DIAPH2: variants seen among roughly 807,000 people sequenced by gnomAD.
DIAPH2 encodes the protein protein diaphanous homolog 2.
Under a neutral mutation model 92.7 loss-of-function variants are expected in DIAPH2, and 35 were observed. The observed-to-expected ratio is 0.38, with a 90% CI of 0.29 to 0.50. DIAPH2 has a LOEUF of 0.50. Ranked by LOEUF, DIAPH2 falls within the 20% of genes least tolerant of loss-of-function variation. The pLI is 0.94. For synonymous variants in DIAPH2, 301 were observed against 280.4 expected, an observed-to-expected ratio of 1.07 and a Z score of -0.73; for missense variants, 701 against 819.5, an observed-to-expected ratio of 0.86 and a Z score of 1.77.
chrX:96,983,259 C>T (rs1353899860), intron 17 of DIAPH2, among the ~76,000 whole-genome samples: 1 of 111,131 alleles, frequency 9.0e-6, no homozygotes, highest in Non-Finnish European at 1.9e-5. Flanking sequence ...TAACTAGTGA[C>T]ACTTTTTTTA....
In DIAPH2 at chrX:96,942,121, T is replaced by G; in HGVS notation, c.1429T>G (p.Leu477Val). 8.9e-7 allele frequency: 1 copy of G among 1,125,606 alleles called. No individual in the cohort carries two copies. Among genetic ancestry groups the G allele is most frequent in the South Asian group, 1.8e-5 (1 of 54,927 alleles). The allele number at this position is 1,125,606 out of a possible 1,213,427, so 92.8% of individuals were successfully genotyped here. Reference protein sequence around the residue: ...FKYRQRLDIDLTHLIDSCVNK... With the variant: ...FKYRQRLDIDVTHLIDSCVNK... ...ATACAGGCAAAGATTAGACATCGAT[T>G]TAACTCATCTGATAGGTATGTATCA... The change falls in exon 13 of 27, where the codon TTA (leucine) becomes GTA (valine). Residue 477 changes from leucine (L) to valine (V), a missense_variant. By Grantham distance (32) the Leu-to-Val change is conservative. Around this residue, in one of 3 missense-constraint regions of DIAPH2, gnomAD observed 536 missense variants for 599.3 expected, o/e 0.89. Coordinates refer to ENST00000324765, the MANE Select transcript of DIAPH2 (RefSeq NM_006729.5).
In DIAPH2 at chrX:97,091,981, T is replaced by A. The variant is rs2066829058; in HGVS notation, c.2248-7713T>A. ...AGAGTCAAGGCAAAACCAGACACAA[T>A]TCTTTACTGTTTTCTTCTCTAGGCG... is the stretch of plus-strand genomic sequence containing the variant. On this transcript the variant is annotated intron_variant, in intron 19 of 26. Transcript: ENST00000324765. 4.6e-5 allele frequency among the ~76,000 whole-genome samples: 5 copies of A among 108,027 alleles called. No individual in the cohort carries two copies. In the Admixed American group the frequency reaches 5.2e-4, roughly 11 times the overall value. The allele number at this position is 108,027 out of a possible 115,157, so 93.8% of individuals were successfully genotyped here.
At chrX:97,229,639 G>A (rs761015125) in intron 22 of DIAPH2, among the ~76,000 whole-genome samples, 6 of 109,865 alleles carry the variant, frequency 5.5e-5, no homozygotes, top group African/African-American at 2.0e-4. Context: ...GTCTGCTCAG[G>A]TTTGGATATG....
At chrX:97,239,551 A>G (rs986832042) in intron 22 of DIAPH2, among the ~76,000 whole-genome samples, 24 of 111,467 alleles carry the variant, frequency 2.2e-4, no homozygotes, top group African/African-American at 7.9e-4. Flanking sequence ...TCAGTAATTC[A>G]GTAGCAGATT....
At chrX:96,841,946 C>T (rs1465792059) in intron 4 of DIAPH2, among the ~76,000 whole-genome samples, 7 of 110,808 alleles carry the variant, frequency 6.3e-5, no homozygotes, top group Middle Eastern at 4.7e-3. Flanking sequence ...TGGGCAGGGG[C>T]GGGGATCACA....
chrX:96,742,258 C>A (rs943784318), intron 3 of DIAPH2, among the ~76,000 whole-genome samples: 2 of 111,669 alleles, frequency 1.8e-5, no homozygotes, highest in South Asian at 7.5e-4. Context: ...AAGGCACTTT[C>A]AACAGCTGAC....
At chrX:97,493,600 C>T (rs769488565) in intron 26 of DIAPH2, among the ~76,000 whole-genome samples, 216 of 111,056 alleles carry the variant, frequency 1.9e-3, no homozygotes, top group Non-Finnish European at 3.1e-3. Context: ...TCTGTTAGGG[C>T]CAGATGTGGT....
intron 25 of DIAPH2, among the ~76,000 whole-genome samples, chrX:97,403,317 T>A (rs2069776259): frequency 8.9e-6 from 1 of 112,526 alleles, no homozygotes; most frequent in African/African-American, 3.2e-5. Context: ...TCCAGCATGA[T>A]CTTTGTCACA....
intron 22 of DIAPH2, among the ~76,000 whole-genome samples, chrX:97,200,137 G>A (rs919001541): frequency 1.8e-5 from 2 of 111,928 alleles, no homozygotes; most frequent in African/African-American, 3.2e-5. Flanking sequence ...GGGAAGCAGT[G>A]AGGGGCTGTG....
intron 4 of DIAPH2, among the ~76,000 whole-genome samples, chrX:96,869,058 T>A (rs1361331235): frequency 8.9e-6 from 1 of 111,948 alleles, no homozygotes. Flanking sequence ...TTTAAAACCT[T>A]ATTTTATTTA....
intron 22 of DIAPH2, among the ~76,000 whole-genome samples, chrX:97,203,169 C>G (rs150678475): frequency 0.016 from 1,793 of 111,817 alleles, 16 homozygotes; most frequent in Middle Eastern, 0.028. Context: ...ACAGCTAAAG[C>G]AGTGTTAATA....
chrX:97,322,850 CTACAAG>C (rs2068910201), intron 23 of DIAPH2, among the ~76,000 whole-genome samples: 1 of 108,736 alleles, frequency 9.2e-6, no homozygotes, highest in Non-Finnish European at 1.9e-5. Context: ...TGATATATTC[CTACAAG>C]TACAAATAGA....
At chrX:97,446,262 A>G (rs1602595123) in intron 26 of DIAPH2, among the ~76,000 whole-genome samples, 1 of 112,548 alleles carries the variant, frequency 8.9e-6, no homozygotes, top group East Asian at 2.8e-4. Context: ...AGGAAAAAAT[A>G]TCTTTTCATA....
At chrX:97,199,233 G>A (rs1311992590) in intron 22 of DIAPH2, among the ~76,000 whole-genome samples, 2 of 110,769 alleles carry the variant, frequency 1.8e-5, no homozygotes, top group Non-Finnish European at 3.8e-5. Flanking sequence ...GTATATGTGT[G>A]TGTGTGTGTG....
At chrX:96,752,355 C>A (rs2064199839) in intron 3 of DIAPH2, among the ~76,000 whole-genome samples, 1 of 112,084 alleles carries the variant, frequency 8.9e-6, no homozygotes, top group Non-Finnish European at 1.9e-5. Flanking sequence ...AAGAAAAGGT[C>A]TTAAATATCA....
rs189464390 is a variant in DIAPH2, at chrX:97,272,035, G to C, written c.2844+24196G>C. On this transcript the variant is annotated intron_variant, in intron 23 of 26. Transcript: ENST00000324765. The stretch of plus-strand genomic sequence containing the variant: ...TTCTTTAAGATGGAGTTTCGCTCTT[G>C]TTGCCCAGGCTGGAGTGCAATGGCA... Among the ~76,000 whole-genome samples the C allele has an allele frequency of 5.8e-3, 634 of 109,808 alleles. 2 individuals carry two copies. Among genetic ancestry groups the C allele is most frequent in the African/African-American group, 0.02 (598 of 30,200 alleles).
intron 23 of DIAPH2, among the ~76,000 whole-genome samples, chrX:97,314,260 A>G (rs1569359703): frequency 9.3e-6 from 1 of 107,783 alleles, no homozygotes; most frequent in Non-Finnish European, 1.9e-5. Context: ...AAAAAAAAAA[A>G]AATTATCTAG....
At chrX:97,479,436 A>G (rs775552689) in intron 26 of DIAPH2, among the ~76,000 whole-genome samples, 11 of 112,469 alleles carry the variant, frequency 9.8e-5, no homozygotes, top group African/African-American at 3.5e-4. Context: ...CTACTCCAGA[A>G]TTGCTTTTGA....
intron 4 of DIAPH2, among the ~76,000 whole-genome samples, chrX:96,759,381 A>G (rs1177035282): frequency 9.0e-6 from 1 of 111,613 alleles, no homozygotes; most frequent in East Asian, 2.8e-4. Context: ...CAGCTCCGCC[A>G]TAGCAGAGCA....
Sources: allele counts gnomAD v4.1 joint callset (sites outside exome capture counted in the v4.1 genomes callset), GRCh38; gene constraint gnomAD v4.1.1; regional missense constraint gnomAD v4.1.1; transcripts MANE v1.5; gene names NCBI Gene and HGNC (gene_info 2026-07-23, HGNC 2026-07-21).